Variants in CDH12 observed in about 807,000 individuals in gnomAD.
The protein encoded by CDH12 is cadherin-12.
In CDH12, 41 loss-of-function variants were observed where a neutral mutation model predicts 74.1. The observed-to-expected ratio is 0.55, with a 90% CI of 0.43 to 0.72. The LOEUF (loss-of-function observed/expected upper bound fraction) is 0.72. CDH12 is among the 30% of genes least tolerant of loss of function. The pLI is 0.00. For missense variants in CDH12, 945 were observed against 977.2 expected (o/e 0.97, Z 0.44); for synonymous variants, 399 against 355.0 (o/e 1.12, Z -1.39).
At chr5:22,800,396 T>A (rs1033868884) in intron 1 of CDH12, among the ~76,000 whole-genome samples, 2 of 152,160 alleles carry the variant, frequency 1.3e-5, no homozygotes, top group Admixed American at 6.5e-5. Flanking sequence ...TAATAGATAT[T>A]TTTTAGGGTA....
At chr5:21,768,520 T>G (rs1745149425) in intron 11 of CDH12, among the ~76,000 whole-genome samples, 1 of 151,964 alleles carries the variant, frequency 6.6e-6, no homozygotes, top group South Asian at 2.1e-4. Context: ...TCTTTTAAAT[T>G]GCTTTATGCA....
intron 7 of CDH12, among the ~76,000 whole-genome samples, chr5:21,850,582 A>G (rs570975486): frequency 5.3e-5 from 8 of 151,736 alleles, no homozygotes; most frequent in Non-Finnish European, 7.4e-5. Context: ...ATATTTTAGA[A>G]GACATACAAG....
chr5:22,695,115 T>C (rs1742293127), intron 1 of CDH12, among the ~76,000 whole-genome samples: 1 of 152,114 alleles, frequency 6.6e-6, no homozygotes, highest in Non-Finnish European at 1.5e-5. Flanking sequence ...CTGTGTTAGT[T>C]TGCTGACAAT....
chr5:22,579,222 T>G (rs1460232765), intron 1 of CDH12, among the ~76,000 whole-genome samples: 3 of 152,186 alleles, frequency 2.0e-5, no homozygotes, highest in Non-Finnish European at 4.4e-5. Context: ...TCCCTTAGGC[T>G]ACTGTGACTA....
intron 14 of CDH12, among the ~76,000 whole-genome samples, chr5:21,752,504 T>A (rs1245710363): frequency 2.0e-5 from 3 of 152,102 alleles, no homozygotes; most frequent in Non-Finnish European, 2.9e-5. Context: ...AAAGTGTGTG[T>A]TGCAACAAAA....
chr5:22,035,914 T>TTATATGA (rs1415497803), intron 5 of CDH12, among the ~76,000 whole-genome samples: 1 of 152,166 alleles, frequency 6.6e-6, no homozygotes, highest in Non-Finnish European at 1.5e-5. Flanking sequence ...TTCATTAGGA[T>TTATATGA]TATATGAGAC....
At chr5:21,928,058 C>A (rs1164360314) in intron 6 of CDH12, among the ~76,000 whole-genome samples, 1 of 151,262 alleles carries the variant, frequency 6.6e-6, no homozygotes, top group Admixed American at 6.6e-5. Flanking sequence ...GGAGACAGAG[C>A]GAGACTCTTC....
chr5:22,037,981 G>A (rs1580151487), intron 5 of CDH12, among the ~76,000 whole-genome samples: 1 of 152,176 alleles, frequency 6.6e-6, no homozygotes, highest in Admixed American at 6.5e-5. Context: ...CAACACCTTG[G>A]ACACGTACAG....
At chr5:22,364,137 C>A (rs909576516) in intron 3 of CDH12, among the ~76,000 whole-genome samples, 2 of 152,030 alleles carry the variant, frequency 1.3e-5, no homozygotes, top group Admixed American at 1.3e-4. Flanking sequence ...GATTGTATGG[C>A]TTTGTGCAAA....
chr5:22,437,251 G>GATATATACT (rs2126533922), intron 2 of CDH12, among the ~76,000 whole-genome samples: 2 of 151,508 alleles, frequency 1.3e-5, no homozygotes, highest in South Asian at 4.2e-4. Context: ...TCAAAATGTT[G>GATATATACT]AAATAATTTT....
intron 5 of CDH12, among the ~76,000 whole-genome samples, chr5:22,018,621 T>C (rs1737760004): frequency 6.6e-6 from 1 of 152,220 alleles, no homozygotes. Flanking sequence ...CCAAGGACCT[T>C]TGTTTATGGT....
intron 1 of CDH12, among the ~76,000 whole-genome samples, chr5:22,631,181 C>T (rs2126856602): frequency 6.6e-6 from 1 of 152,242 alleles, no homozygotes; most frequent in East Asian, 1.9e-4. Context: ...TTATACACTG[C>T]TGGTGGGAAT....
chr5:22,156,893 C>T (rs1341338149), intron 4 of CDH12, among the ~76,000 whole-genome samples: 1 of 152,108 alleles, frequency 6.6e-6, no homozygotes, highest in African/African-American at 2.4e-5. Flanking sequence ...TGGAATTTTA[C>T]CCACTGTGAC....
At chr5:22,063,030 A>G (rs1434763710) in intron 5 of CDH12, among the ~76,000 whole-genome samples, 2 of 152,156 alleles carry the variant, frequency 1.3e-5, no homozygotes, top group East Asian at 1.9e-4. Flanking sequence ...CATGAAAACT[A>G]TATTTTAAAT....
chr5:22,395,520 T>C (rs1284349599), intron 3 of CDH12, among the ~76,000 whole-genome samples: 1 of 152,148 alleles, frequency 6.6e-6, no homozygotes, highest in Admixed American at 6.6e-5. Context: ...TTTAACCTGA[T>C]ATTAGGCTCT....
At chr5:22,289,935 C>T (rs1737310321) in intron 3 of CDH12, among the ~76,000 whole-genome samples, 1 of 152,082 alleles carries the variant, frequency 6.6e-6, no homozygotes, top group Non-Finnish European at 1.5e-5. Context: ...ATCATAAGCC[C>T]ACATCAGTGT....
intron 3 of CDH12, among the ~76,000 whole-genome samples, chr5:22,337,478 G>A (rs1561324117): frequency 1.3e-5 from 2 of 152,122 alleles, no homozygotes; most frequent in Admixed American, 1.3e-4. Flanking sequence ...GGGGATGATT[G>A]AATCATGGGG....
chr5:22,030,974 C>G (rs1189045595), intron 5 of CDH12, among the ~76,000 whole-genome samples: 1 of 152,164 alleles, frequency 6.6e-6, no homozygotes, highest in Non-Finnish European at 1.5e-5. Context: ...GCAGCTTCCT[C>G]ATCTCTCTCA....
At chr5:22,423,315 C>G (rs961178493) in intron 2 of CDH12, among the ~76,000 whole-genome samples, 1 of 151,928 alleles carries the variant, frequency 6.6e-6, no homozygotes, top group African/African-American at 2.4e-5. Context: ...AATACTACTT[C>G]TGAGAATCTG....
Sources: allele counts gnomAD v4.1 joint callset (sites outside exome capture counted in the v4.1 genomes callset), GRCh38; gene constraint gnomAD v4.1.1; transcripts MANE v1.5; gene names NCBI Gene and HGNC (gene_info 2026-07-23, HGNC 2026-07-21).